Variants in ANO10 observed in about 807,000 individuals in gnomAD.
The protein encoded by ANO10 is anoctamin 10, also known as anoctamin-10.
ANO10 carries 77 observed loss-of-function variants against 74.7 expected under a neutral mutation model. That is an observed-to-expected ratio of 1.03 (90% confidence interval 0.86 to 1.25). ANO10 has a LOEUF of 1.25. ANO10 is among the 50% of genes most tolerant of loss of function. The pLI, the probability that ANO10 is intolerant of heterozygous loss-of-function variation, is 0.00. For missense variants in ANO10, 721 were observed against 778.1 expected (o/e 0.93, Z 0.87); for synonymous variants, 279 against 284.9 (o/e 0.98, Z 0.21).
intron 11 of ANO10, among the ~76,000 whole-genome samples, chr3:43,493,174 G>A (rs141319270): frequency 5.6e-4 from 86 of 152,260 alleles, no homozygotes; most frequent in African/African-American, 1.9e-3. Context: ...ACTATCACAA[G>A]ATCAGAAAAC....
At chr3:43,453,674 A>G (rs1341280103) in intron 11 of ANO10, among the ~76,000 whole-genome samples, 1 of 152,194 alleles carries the variant, frequency 6.6e-6, no homozygotes, top group Non-Finnish European at 1.5e-5. Context: ...ATTTGTTTGC[A>G]TATGGCTATC....
At chr3:43,591,004 C>T (rs746644468) in intron 4 of ANO10, among the ~76,000 whole-genome samples, 12 of 152,182 alleles carry the variant, frequency 7.9e-5, no homozygotes, top group Non-Finnish European at 1.5e-4. Flanking sequence ...AATCATCTGT[C>T]GCCTGAGAGC....
At chr3:43,435,422 T>C (rs547019088) in intron 11 of ANO10, among the ~76,000 whole-genome samples, 1 of 151,714 alleles carries the variant, frequency 6.6e-6, no homozygotes, top group African/African-American at 2.4e-5. Context: ...GGCAGGGGAA[T>C]TGCTTGCACT....
At chr3:43,610,936 C>T (rs1018130749) in intron 1 of ANO10, among the ~76,000 whole-genome samples, 3 of 152,088 alleles carry the variant, frequency 2.0e-5, no homozygotes, top group South Asian at 2.1e-4. Context: ...TTTAGGATAA[C>T]TTCAGGAGAG....
intron 5 of ANO10, among the ~76,000 whole-genome samples, chr3:43,578,033 G>A (rs2081094419): frequency 6.6e-6 from 1 of 152,166 alleles, no homozygotes; most frequent in Non-Finnish European, 1.5e-5. Flanking sequence ...AGGGTGGGAA[G>A]CAGGGGGTGA....
intron 12 of ANO10, among the ~76,000 whole-genome samples, chr3:43,416,122 T>C (rs1403095632): frequency 6.6e-6 from 1 of 152,192 alleles, no homozygotes; most frequent in Non-Finnish European, 1.5e-5. Context: ...TTCCAGACAT[T>C]TGGCAGTTCA....
intron 1 of ANO10, among the ~76,000 whole-genome samples, chr3:43,637,959 C>T (rs2083631262): frequency 6.6e-6 from 1 of 152,098 alleles, no homozygotes; most frequent in South Asian, 2.1e-4. Context: ...AGAATTCCAT[C>T]GAGTTTTAAA....
intron 11 of ANO10, among the ~76,000 whole-genome samples, chr3:43,463,003 T>A (rs182542943): frequency 6.6e-6 from 1 of 152,104 alleles, no homozygotes; most frequent in Non-Finnish European, 1.5e-5. Context: ...AGAAGATCTA[T>A]GGAAATGCCT....
At chr3:43,636,164 G>A (rs552109686) in intron 1 of ANO10, 3 of 152,484 alleles carry the variant, frequency 2.0e-5, no homozygotes, top group East Asian at 3.8e-4. Flanking sequence ...GTGAAGAAGA[G>A]AGATGGAAAG....
chr3:43,384,068 A>C (rs759030398), intron 12 of ANO10, among the ~76,000 whole-genome samples: 12 of 152,232 alleles, frequency 7.9e-5, no homozygotes, highest in Non-Finnish European at 1.5e-4. Flanking sequence ...GAATTCGGCA[A>C]AGTTTCCAGA....
intron 11 of ANO10, among the ~76,000 whole-genome samples, chr3:43,459,670 C>A (rs147365118): frequency 6.6e-6 from 1 of 152,160 alleles, no homozygotes; most frequent in East Asian, 1.9e-4. Context: ...CTGCCAGTGC[C>A]TGTCTGGAGC....
At chr3:43,566,643 A>T (rs1359704174) in intron 7 of ANO10, among the ~76,000 whole-genome samples, 1 of 152,216 alleles carries the variant, frequency 6.6e-6, no homozygotes, top group East Asian at 1.9e-4. Flanking sequence ...TTAGAAGGAA[A>T]ACTAACAAAC....
intron 11 of ANO10, among the ~76,000 whole-genome samples, chr3:43,450,574 C>T (rs1479355899): frequency 1.3e-5 from 2 of 152,068 alleles, no homozygotes; most frequent in Non-Finnish European, 2.9e-5. Context: ...TAGCTTTTCA[C>T]CTATGCCAGA....
chr3:43,399,395 A>G (rs906452225), intron 12 of ANO10, among the ~76,000 whole-genome samples: 1 of 152,068 alleles, frequency 6.6e-6, no homozygotes, highest in Admixed American at 6.6e-5. Context: ...AAAGGTTTTT[A>G]TTAGAATGTT....
chr3:43,494,296 A>G (rs1034555796), intron 11 of ANO10, among the ~76,000 whole-genome samples: 1 of 152,078 alleles, frequency 6.6e-6, no homozygotes, highest in Non-Finnish European at 1.5e-5. Flanking sequence ...TGTACTACAA[A>G]TACAACATTG....
chr3:43,672,170 T>C (rs192423321), intron 1 of ANO10, among the ~76,000 whole-genome samples: 30 of 152,326 alleles, frequency 2.0e-4, no homozygotes, highest in African/African-American at 6.3e-4. Context: ...ATGGCACTTA[T>C]GCATGTGTGT....
chr3:43,549,722 C>G lies in ANO10; in HGVS notation c.1795G>C (p.Glu599Gln), dbSNP rs1010829213. 1.1e-5 allele frequency: 17 copies of G among 1,613,964 alleles called. No homozygotes were observed. Among genetic ancestry groups the G allele is most frequent in the Non-Finnish European group, 1.4e-5 (17 of 1,179,882 alleles). Reference sequence around the variant, plus strand: ...AATAAGTTTAAATCTTTACTTACCTCCACTGCTACTACAATCAAAATGAGG... The same window carrying G: ...AATAAGTTTAAATCTTTACTTACCTGCACTGCTACTACAATCAAAATGAGG... ...ADLILIVVAV[E>Q]HALLALKFIL... Residue 599 changes from glutamate (E) to glutamine (Q), a missense_variant and splice_region_variant, in exon 11 of 13, where the codon GAG becomes CAG. Glu to Gln is a conservative substitution (Grantham distance 29, BLOSUM62 2). Transcript: ENST00000292246.
intron 11 of ANO10, among the ~76,000 whole-genome samples, chr3:43,503,684 TA>T (rs1313422890): frequency 6.6e-6 from 1 of 152,266 alleles, no homozygotes; most frequent in South Asian, 2.1e-4. Context: ...AGAAACCAAA[TA>T]AAATAGTTTC....
At chr3:43,542,066 CCAGAAGG>C (rs2149280917) in intron 11 of ANO10, among the ~76,000 whole-genome samples, 1 of 152,250 alleles carries the variant, frequency 6.6e-6, no homozygotes, top group East Asian at 1.9e-4. Flanking sequence ...AGCAGGAAAG[CCAGAAGG>C]CTTTCCTTCT....
Sources: gnomAD v4.1 joint callset for allele counts (sites outside exome capture counted in the v4.1 genomes callset) on GRCh38, gnomAD v4.1.1 for gene constraint, MANE v1.5 for transcripts, NCBI Gene and HGNC (gene_info 2026-07-23, HGNC 2026-07-21) for gene names.